AGBL1: variants seen among roughly 807,000 people sequenced by gnomAD.
The protein encoded by AGBL1 is AGBL carboxypeptidase 1.
In AGBL1, 130 loss-of-function variants were observed where a neutral mutation model predicts 118.9. The observed-to-expected ratio is 1.09, with a 90% confidence interval of 0.95 to 1.26. The LOEUF is 1.26. Ranked by LOEUF, AGBL1 falls within the 50% of genes most tolerant of loss-of-function variation. AGBL1 has a pLI of 0.00. For synonymous variants in AGBL1, 555 were observed against 478.9 expected, an observed-to-expected ratio of 1.16 and a Z score of -2.08; for missense variants, 1,584 against 1,298.1, an observed-to-expected ratio of 1.22 and a Z score of -3.38.
chr15:86,112,393 A>G (rs558994563), intron 1 of AGBL1, among the ~76,000 whole-genome samples: 71 of 152,366 alleles, frequency 4.7e-4, no homozygotes, highest in Middle Eastern at 3.4e-3. Context: ...ATTTTTGTGT[A>G]TTTAACACTA....
chr15:86,337,419 C>T (rs1298308137), intron 17 of AGBL1, among the ~76,000 whole-genome samples: 5 of 151,966 alleles, frequency 3.3e-5, no homozygotes, highest in Admixed American at 6.6e-5. Flanking sequence ...TGTCCATTGC[C>T]GCACTATTCA....
At chr15:86,451,139 T>A (rs2082187453) in intron 18 of AGBL1, among the ~76,000 whole-genome samples, 2 of 152,234 alleles carry the variant, frequency 1.3e-5, no homozygotes, top group Admixed American at 1.3e-4. Context: ...GCCTTGAGAT[T>A]ATGTTTTATG....
intron 7 of AGBL1, among the ~76,000 whole-genome samples, chr15:86,251,766 A>G (rs539119072): frequency 1.8e-4 from 28 of 151,942 alleles, no homozygotes; most frequent in Admixed American, 1.6e-3. Context: ...ATGGAATCTT[A>G]TTGGAGCTTT....
intron 22 of AGBL1, among the ~76,000 whole-genome samples, chr15:86,863,913 G>C (rs1180591017): frequency 6.6e-6 from 1 of 152,184 alleles, no homozygotes; most frequent in African/African-American, 2.4e-5. Flanking sequence ...ACGTGAAGTA[G>C]ATGTTATAGT....
At chr15:86,858,906 A>G (rs976697791) in intron 22 of AGBL1, among the ~76,000 whole-genome samples, 1 of 152,168 alleles carries the variant, frequency 6.6e-6, no homozygotes, top group African/African-American at 2.4e-5. Context: ...TTAATCCTTG[A>G]AACAACTCTA....
intron 17 of AGBL1, among the ~76,000 whole-genome samples, chr15:86,349,145 T>C (rs1220210341): frequency 6.6e-6 from 1 of 152,206 alleles, no homozygotes; most frequent in Non-Finnish European, 1.5e-5. Flanking sequence ...CAAGAAAGTA[T>C]TCTTCCTTAG....
At chr15:86,245,595 G>A (rs1362604565) in intron 6 of AGBL1, among the ~76,000 whole-genome samples, 2 of 152,232 alleles carry the variant, frequency 1.3e-5, no homozygotes, top group African/African-American at 4.8e-5. Flanking sequence ...TATATTAACT[G>A]TTGAGAGAGG....
intron 22 of AGBL1, among the ~76,000 whole-genome samples, chr15:86,737,066 G>A (rs59718235): frequency 6.6e-6 from 1 of 152,162 alleles, no homozygotes; most frequent in Admixed American, 6.5e-5. Context: ...ATGTGTAGAA[G>A]ACACTGTGTT....
intron 22 of AGBL1, among the ~76,000 whole-genome samples, chr15:86,879,974 C>T (rs183689993): frequency 2.5e-4 from 38 of 152,218 alleles, no homozygotes; most frequent in Non-Finnish European, 4.9e-4. Context: ...ATAGCAGATG[C>T]AGGAGATGCT....
Position 86,189,234 on chromosome 15 carries a change from C to T in AGBL1, c.488+30208C>T, listed in dbSNP as rs2077678927. ...GTGTTTTAAAACCATGTCCATTTTA[C>T]ATCTGGAGAACTTATGCACACATTT... On this transcript the variant is annotated intron_variant, in intron 5 of 22. Transcript: ENST00000614907. 2.0e-5 allele frequency among the ~76,000 whole-genome samples: 3 copies of T among 152,298 alleles called. No individual in the cohort carries two copies. In the South Asian group the frequency reaches 6.2e-4, roughly 32 times the overall value.
chr15:86,578,883 ATG>A (rs1335469113), intron 21 of AGBL1, among the ~76,000 whole-genome samples: 1 of 152,162 alleles, frequency 6.6e-6, no homozygotes, highest in African/African-American at 2.4e-5. Flanking sequence ...AGTCTCGGGT[ATG>A]TCTTTATCAG....
rs537518548 is a variant in AGBL1, at chr15:86,814,669, C to G, written c.3159-92418C>G. On this transcript the variant is annotated intron_variant, in intron 22 of 22. Transcript: ENST00000614907. ...TATCTGGTTCAAATGATTCTATTAT[C>G]ATGGTTAATGCTCTGGAGCTGCCAT... Among the ~76,000 whole-genome samples, 9 of 152,268 alleles carry G rather than the reference C, an allele frequency of 5.9e-5. No homozygotes were observed. The South Asian group carries it at 1.7e-3, about 28-fold the overall frequency.
chr15:86,644,190 A>C (rs2085239532), intron 21 of AGBL1, among the ~76,000 whole-genome samples: 1 of 152,218 alleles, frequency 6.6e-6, no homozygotes, highest in African/African-American at 2.4e-5. Context: ...GAATTAAAGC[A>C]ATTCCAATTA....
chr15:86,881,315 C>T (rs1006440647), intron 22 of AGBL1, among the ~76,000 whole-genome samples: 11 of 152,168 alleles, frequency 7.2e-5, no homozygotes, highest in African/African-American at 9.7e-5. Flanking sequence ...GGAATGCTCT[C>T]AGTGTCTTTT....
intron 15 of AGBL1, among the ~76,000 whole-genome samples, chr15:86,275,963 G>A (rs940108034): frequency 3.5e-4 from 54 of 152,262 alleles, no homozygotes; most frequent in African/African-American, 1.3e-3. Flanking sequence ...CCTAATAGAA[G>A]TGTTCTGAAG....
At chr15:86,933,259 G>A (rs1264556893) in intron 23 of AGBL1, among the ~76,000 whole-genome samples, 1 of 152,108 alleles carries the variant, frequency 6.6e-6, no homozygotes, top group East Asian at 1.9e-4. Flanking sequence ...GATAACCATG[G>A]GAGGACTTTA....
At chr15:86,707,220 G>T (rs957537998) in intron 22 of AGBL1, among the ~76,000 whole-genome samples, 19 of 151,928 alleles carry the variant, frequency 1.3e-4, no homozygotes. Flanking sequence ...TTACATCTGT[G>T]CACAATACCA....
At chr15:86,091,866 A>G (rs1362296126) in intron 1 of AGBL1, among the ~76,000 whole-genome samples, 1 of 152,176 alleles carries the variant, frequency 6.6e-6, no homozygotes, top group Non-Finnish European at 1.5e-5. Flanking sequence ...GGTCTTGGAC[A>G]TCTTTCATAC....
In AGBL1 at chr15:86,221,281, C is replaced by A. The variant is rs77964233; in HGVS notation, c.489-3633C>A. 2.4e-4 allele frequency among the ~76,000 whole-genome samples: 36 copies of A among 152,252 alleles called. 1 individual carries two copies. The East Asian group carries it at 4.6e-3, about 20-fold the overall frequency. ...ACCAGAACCATGGGTGTCAGATGTG[C>A]ACATCCAGCAGAAGGCAGTCTTGCA... is the stretch of plus-strand genomic sequence containing the variant. On this transcript the variant is annotated intron_variant, in intron 5 of 22. Transcript: ENST00000614907.
Sources: gnomAD v4.1 joint callset for allele counts (sites outside exome capture counted in the v4.1 genomes callset) on GRCh38, gnomAD v4.1.1 for gene constraint, MANE v1.5 for transcripts, NCBI Gene and HGNC (gene_info 2026-07-23, HGNC 2026-07-21) for gene names.